HIPK2: variants seen among roughly 807,000 people sequenced by gnomAD.
HIPK2 encodes homeodomain interacting protein kinase 2.
Under a neutral mutation model 113.7 loss-of-function variants are expected in HIPK2, and 27 were observed. The ratio of observed to expected loss-of-function variants is 0.24; its 90% confidence interval spans 0.17 to 0.33. HIPK2 has a LOEUF of 0.33. Ranked by LOEUF, HIPK2 falls within the 10% of genes least tolerant of loss-of-function variation. HIPK2 has a pLI of 1.00. For missense variants in HIPK2, 1,257 were observed against 1,588.0 expected (o/e 0.79, Z 3.54); for synonymous variants, 631 against 642.2 (o/e 0.98, Z 0.26).
At chr7:139,621,172 CTAA>C (rs1800221507) in intron 6 of HIPK2, among the ~76,000 whole-genome samples, 1 of 152,136 alleles carries the variant, frequency 6.6e-6, no homozygotes, top group Non-Finnish European at 1.5e-5. Flanking sequence ...TATTAGTGTC[CTAA>C]TAATAATACT....
chr7:139,739,767 C>T (rs370931805), intron 1 of HIPK2, among the ~76,000 whole-genome samples: 5 of 152,200 alleles, frequency 3.3e-5, no homozygotes, highest in African/African-American at 9.7e-5. Flanking sequence ...TCTATCTCTG[C>T]GGACTTGCCT....
Position 139,777,648 on chromosome 7 carries a change from T to C in HIPK2, c.-25A>G. On this transcript the variant is annotated 5_prime_UTR_variant, in exon 1 of 15. The change abolishes an upstream ATG in the 5' untranslated region. Transcript: ENST00000406875. ...TCGGGGCCGGGGTGTCCGCGGTTCA[T>C]GGCAACGGGGACGGGAAAGCGGCGC... 4 of 1,086,946 alleles carry C rather than the reference T, an allele frequency of 3.7e-6. No homozygotes were observed. The highest frequency in any genetic ancestry group is 4.5e-6 in the Non-Finnish European group (4 of 894,466). The allele number at this position is 1,086,946 out of a possible 1,614,324, so 67.3% of individuals were successfully genotyped here.
At chr7:139,628,896 G>A in intron 5 of HIPK2, 57 bp downstream of exon 5, 3 of 1,432,334 alleles carry the variant, frequency 2.1e-6, no homozygotes, top group South Asian at 2.5e-5. Flanking sequence ...TATTGCAGAA[G>A]TCTTGCTGCC....
intron 1 of HIPK2, among the ~76,000 whole-genome samples, chr7:139,773,633 TG>T (rs1451895719): frequency 6.6e-6 from 1 of 151,906 alleles, no homozygotes; most frequent in African/African-American, 2.4e-5. Context: ...GAGAGAGAGA[TG>T]AAGAAATATA....
At chr7:139,606,405 C>T (rs935398811) in intron 9 of HIPK2, among the ~76,000 whole-genome samples, 28 of 152,080 alleles carry the variant, frequency 1.8e-4, no homozygotes, top group African/African-American at 6.5e-4. Flanking sequence ...TAAACATATA[C>T]ATTTATTGCC....
intron 6 of HIPK2, among the ~76,000 whole-genome samples, chr7:139,624,330 C>T (rs904906642): frequency 2.0e-5 from 3 of 152,058 alleles, no homozygotes; most frequent in Non-Finnish European, 4.4e-5. Context: ...GCCATGACTT[C>T]GTTTCCTCTC....
chr7:139,660,293 TTTGTTG>T (rs746119400), intron 2 of HIPK2, among the ~76,000 whole-genome samples: 2 of 141,108 alleles, frequency 1.4e-5, no homozygotes, highest in Non-Finnish European at 3.1e-5. Context: ...CAACCAATTT[TTTGTTG>T]TTGTTGTTGT....
Position 139,631,570 on chromosome 7 carries a change from G to A in HIPK2, c.1227+32C>T. The A allele has an allele frequency of 2.5e-6, 4 of 1,604,228 alleles. No homozygotes were observed. Among genetic ancestry groups the A allele is most frequent in the Non-Finnish European group, 3.4e-6 (4 of 1,175,230 alleles). ...GGCTATTTTCCAGATGAAGAATGAG[G>A]TCTTGTGAATATCTGTGTCATCTGG... On this transcript the variant is annotated intron_variant, in intron 3 of 14. Transcript: ENST00000406875. The surrounding 1 kb of genome is among the most constrained non-coding windows in gnomAD (Gnocchi z 4.9).
At position 139,758,416 on chromosome 7, in the gene HIPK2, A is replaced by G. The variant is rs189800606; in HGVS notation, c.19+19189T>C. 5.3e-5 allele frequency among the ~76,000 whole-genome samples: 8 copies of G among 152,286 alleles called. No individual in the cohort carries two copies. The East Asian group carries it at 1.5e-3, about 29-fold the overall frequency. On this transcript the variant is annotated intron_variant, in intron 1 of 14. Transcript: ENST00000406875. ...ATAATGTTGGGACAATTGAGTATTG[A>G]AAAAATATAAAGTTGCATCCAAGCC... is the stretch of plus-strand genomic sequence containing the variant.
In HIPK2 at chr7:139,571,088, A is replaced by T. The variant is rs904180278; in HGVS notation, c.*1839T>A. On this transcript the variant is annotated 3_prime_UTR_variant, in exon 15 of 15. Transcript: ENST00000406875. ...CAGCGTCAGACCCCCGGCCACCCTC[A>T]TAAGTGTCCCTCCAACCTTCTGCCC... 6.6e-6 allele frequency: 1 copy of T among 152,296 alleles called. No individual in the cohort carries two copies. Among genetic ancestry groups the T allele is most frequent in the Non-Finnish European group, 1.5e-5 (1 of 68,088 alleles). 9.4% of individuals were successfully genotyped at this position (152,296 alleles called of 1,614,324 possible).
Position 139,596,821 on chromosome 7 carries a change from C to T in HIPK2, c.2613G>A (p.Gln871=). 6.2e-7 allele frequency: 1 copy of T among 1,614,004 alleles called. No homozygotes were observed. The highest frequency in any genetic ancestry group is 8.5e-7 in the Non-Finnish European group (1 of 1,179,888). ...TGTCGGGAATGACAATTGTCTGCCG[C>T]TGCCGTTCCCGGGTGGTGCTGGAGG... is the stretch of plus-strand genomic sequence containing the variant. The part of the protein sequence containing the change: ...DVASSTTRER[Q]RQTIVIPDTP... The change falls in exon 12 of 15, where the codon CAG becomes CAA. Residue 871 remains glutamine, a synonymous_variant. Coordinates refer to ENST00000406875, the MANE Select transcript of HIPK2 (RefSeq NM_022740.5).
rs376101998 is a variant in HIPK2 at position 139,614,017 on chromosome 7, T to C, written c.1990+269A>G. Among the ~76,000 whole-genome samples, 107 of 152,246 alleles carry C rather than the reference T, an allele frequency of 7.0e-4. 1 individual carries two copies. In the East Asian group the frequency reaches 0.014, roughly 20 times the overall value. On this transcript the variant is annotated intron_variant, in intron 8 of 14. Transcript: ENST00000406875. ...ACAATGAAAGCACAAACTATGTACT[T>C]ATTTACAGACAGCTGGCCAGGGACA...
chr7:139,701,202 G>A (rs1794696615), intron 2 of HIPK2, among the ~76,000 whole-genome samples: 1 of 152,200 alleles, frequency 6.6e-6, no homozygotes, highest in Non-Finnish European at 1.5e-5. Flanking sequence ...CAGTGTCTAA[G>A]TCGGGTGGTG....
At chr7:139,697,587 T>TC (rs1459178548) in intron 2 of HIPK2, among the ~76,000 whole-genome samples, 1 of 151,322 alleles carries the variant, frequency 6.6e-6, no homozygotes, top group African/African-American at 2.4e-5. Flanking sequence ...TTTTTTTTTT[T>TC]CTGTTTAAAA....
At chr7:139,706,632 C>G (rs908248923) in intron 2 of HIPK2, among the ~76,000 whole-genome samples, 1 of 152,146 alleles carries the variant, frequency 6.6e-6, no homozygotes, top group Admixed American at 6.5e-5. Context: ...AGCTTTCAGC[C>G]CCTCCCCTGC....
At chr7:139,728,759 G>T (rs1252086816) in intron 1 of HIPK2, among the ~76,000 whole-genome samples, 1 of 152,110 alleles carries the variant, frequency 6.6e-6, no homozygotes, top group Non-Finnish European at 1.5e-5. Context: ...AATTTTCTCA[G>T]GTTAAATAAT....
At chr7:139,648,789 G>T (rs1425142801) in intron 2 of HIPK2, among the ~76,000 whole-genome samples, 2 of 148,546 alleles carry the variant, frequency 1.3e-5, no homozygotes, top group African/African-American at 5.0e-5. Context: ...GGTGCTGCGG[G>T]TTTTTTTTTT....
chr7:139,591,069 A>G (rs1395403334), intron 12 of HIPK2, among the ~76,000 whole-genome samples: 3 of 152,018 alleles, frequency 2.0e-5, no homozygotes, highest in Non-Finnish European at 4.4e-5. Context: ...TTGGTCTCAA[A>G]CTCTTGGCCT....
At chr7:139,761,041 T>C (rs1219248001) in intron 1 of HIPK2, among the ~76,000 whole-genome samples, 7 of 152,210 alleles carry the variant, frequency 4.6e-5, no homozygotes, top group Non-Finnish European at 8.8e-5. Flanking sequence ...ATGTATAATG[T>C]TAGAAAGACA....
Sources: gnomAD v4.1 joint callset for allele counts (sites outside exome capture counted in the v4.1 genomes callset) on GRCh38, gnomAD v4.1.1 for gene constraint, Gnocchi (gnomAD v3.1) non-coding constraint, MANE v1.5 for transcripts, NCBI Gene and HGNC (gene_info 2026-07-23, HGNC 2026-07-21) for gene names.